PABIR2: variants seen among roughly 807,000 people sequenced by gnomAD.
PABIR2 encodes PABIR family member 2.
A neutral mutation model predicts 22.8 loss-of-function variants in PABIR2; 7 were observed. The observed-to-expected ratio is 0.31, with a 90% CI of 0.17 to 0.58. The LOEUF is 0.58. Among genes scored for constraint, PABIR2 ranks in the 20% least tolerant of loss-of-function variants. The pLI, the probability that PABIR2 is intolerant of heterozygous loss-of-function variation, is 0.89. For synonymous variants in PABIR2, 67 were observed against 73.8 expected, an observed-to-expected ratio of 0.91 and a Z score of 0.47; for missense variants, 155 against 205.1, an observed-to-expected ratio of 0.76 and a Z score of 1.49.
Position 134,771,058 on chromosome X carries a change from C to T in PABIR2, c.*1081G>A, listed in dbSNP as rs2078830008. ...ACAATAACTAAAACACCATTCACCA[C>T]ATGACAAAACAAACAAATCCAATGA... On this transcript the variant is annotated 3_prime_UTR_variant, in exon 10 of 10. Coordinates refer to ENST00000343004, the MANE Select transcript of PABIR2 (RefSeq NM_001387468.1). 1 of 312,444 alleles carries T rather than the reference C, an allele frequency of 3.2e-6. No homozygotes were observed. Among genetic ancestry groups the T allele is most frequent in the Admixed American group, 5.9e-5 (1 of 17,089 alleles). 25.7% of individuals were successfully genotyped at this position (312,444 alleles called of 1,213,427 possible).
At chrX:134,792,647 A>T (rs927705151) in intron 2 of PABIR2, among the ~76,000 whole-genome samples, 4 of 111,892 alleles carry the variant, frequency 3.6e-5, no homozygotes, top group African/African-American at 1.3e-4. Context: ...CTCTATTCTA[A>T]TCCCAGTTCT....
At chrX:134,773,901 C>G (rs187922576) in intron 9 of PABIR2, among the ~76,000 whole-genome samples, 4 of 111,285 alleles carry the variant, frequency 3.6e-5, no homozygotes, top group African/African-American at 1.3e-4. Context: ...AGTTTCTGGG[C>G]CCTGTACTAC....
intron 9 of PABIR2, among the ~76,000 whole-genome samples, chrX:134,775,257 G>A (rs751051479): frequency 9.0e-6 from 1 of 111,426 alleles, no homozygotes; most frequent in Non-Finnish European, 1.9e-5. Context: ...TTGGCTGGGC[G>A]CGGTGGCTCA....
chrX:134,782,175 C>T (rs1445970932), intron 8 of PABIR2, among the ~76,000 whole-genome samples: 1 of 112,164 alleles, frequency 8.9e-6, no homozygotes, highest in African/African-American at 3.2e-5. Context: ...GAAAGTAGAA[C>T]ACTGACTGCA....
In PABIR2 at chrX:134,788,470, T is replaced by C. The variant is rs760800664; in HGVS notation, c.435+260A>G. ...TGTGTTATATATGTTATATATGTGTTATATATACGTTATATATGTAATATA... is the reference window on the plus strand; with the variant it reads ...TGTGTTATATATGTTATATATGTGTCATATATACGTTATATATGTAATATA... On this transcript the variant is annotated intron_variant, in intron 6 of 9. Transcript: ENST00000343004. Among the ~76,000 whole-genome samples the C allele has an allele frequency of 3.0e-5, 3 of 99,589 alleles. No homozygotes were observed. In the East Asian group the frequency reaches 8.6e-4, roughly 29 times the overall value. The allele number at this position is 99,589 out of a possible 115,157, so 86.5% of individuals were successfully genotyped here. A position where few individuals can be genotyped will look rare whatever the true frequency, so the allele number is the denominator to read the frequency against.
intron 8 of PABIR2, among the ~76,000 whole-genome samples, chrX:134,784,952 T>C (rs1245153843): frequency 1.8e-5 from 2 of 111,725 alleles, no homozygotes; most frequent in African/African-American, 6.5e-5. Flanking sequence ...GAGGCATAAT[T>C]TGATGAGGGG....
Position 134,789,593 on chromosome X carries a change from T to C in PABIR2, c.221A>G (p.His74Arg). ...SPNRIPSSRL[H>R]QIKREEGLDM... ...AGTAAAATTTACCCTTTTGATCTGA[T>C]GCAGTCTGCTACTAGGAATACGATT... The change falls in exon 3 of 10, where the codon CAT becomes CGT. Residue 74 changes from histidine (H) to arginine (R), a missense_variant. His to Arg is a conservative substitution (Grantham distance 29). Transcript: ENST00000343004. The C allele has an allele frequency of 8.7e-7, 1 of 1,155,515 alleles. No homozygotes were observed. The highest frequency in any genetic ancestry group is 1.9e-5 in the South Asian group (1 of 52,438).
chrX:134,791,206 AAAAAG>A (rs1437851202), intron 2 of PABIR2, among the ~76,000 whole-genome samples: 3 of 111,453 alleles, frequency 2.7e-5, no homozygotes, highest in Non-Finnish European at 5.6e-5. Context: ...GCTTAAAAAA[AAAAAG>A]AAAAGAAAAA....
At position 134,781,866 on chromosome X, in the gene PABIR2, T is replaced by C; in HGVS notation, c.614A>G (p.Asn205Ser). 1 of 1,206,041 alleles carries C rather than the reference T, an allele frequency of 8.3e-7. No individual in the cohort carries two copies. Among genetic ancestry groups the C allele is most frequent in the Non-Finnish European group, 1.1e-6 (1 of 892,201 alleles). Residue 205 changes from asparagine (N) to serine (S), a missense_variant, in exon 9 of 10, where the codon AAT (asparagine) becomes AGT (serine). Asn to Ser is a conservative substitution (Grantham distance 46). Coordinates refer to ENST00000343004, the MANE Select transcript of PABIR2 (RefSeq NM_001387468.1). ...TTGCGCGGCATCTGGAGATAACATA[T>C]TGGTAGTGCCTTGGAAGAGTCTCTT... ...QPKRLFQGTT[N>S]MLSPDAAQLS...
chrX:134,789,463 T>C (rs1383278381), intron 3 of PABIR2, 117 bp downstream of exon 3: 2 of 834,080 alleles, frequency 2.4e-6, no homozygotes, highest in African/African-American at 4.1e-5. Flanking sequence ...CCAGAAGAAT[T>C]ATAATCTGTC....
intron 9 of PABIR2, among the ~76,000 whole-genome samples, chrX:134,778,491 C>T (rs182653128): frequency 0.046 from 4,007 of 87,375 alleles, 277 homozygotes; most frequent in African/African-American, 0.16. Context: ...GCAACCAGAG[C>T]GAAACTCCGT....
chrX:134,782,222 T>C (rs764057426), intron 8 of PABIR2, among the ~76,000 whole-genome samples: 2 of 111,813 alleles, frequency 1.8e-5, no homozygotes, highest in Non-Finnish European at 3.8e-5. Flanking sequence ...ACAGTAGAGA[T>C]AAGGAATTCC....
At chrX:134,788,665 G>A (rs1471742601) in intron 6 of PABIR2, 65 bp downstream of exon 6, 3 of 937,624 alleles carry the variant, frequency 3.2e-6, no homozygotes, top group Non-Finnish European at 4.4e-6. Flanking sequence ...GGGGTGATTT[G>A]TGTGTGTTTT....
intron 9 of PABIR2, among the ~76,000 whole-genome samples, chrX:134,781,240 T>C (rs1056618590): frequency 4.4e-5 from 5 of 112,767 alleles, no homozygotes; most frequent in African/African-American, 1.6e-4. Context: ...AAATAATCTG[T>C]TTTTTCACAT....
At chrX:134,787,395 C>T in intron 7 of PABIR2, 77 bp downstream of exon 7, 1 of 1,049,961 alleles carries the variant, frequency 9.5e-7, no homozygotes, top group Non-Finnish European at 1.3e-6. Flanking sequence ...CCACTGCGCC[C>T]AGCCACAAAA....
At chrX:134,777,143 G>C (rs2078999999) in intron 9 of PABIR2, among the ~76,000 whole-genome samples, 1 of 112,083 alleles carries the variant, frequency 8.9e-6, no homozygotes, top group African/African-American at 3.2e-5. Context: ...GCCAACCTTG[G>C]TAGCAGAAAC....
chrX:134,787,245 G>A (rs1422399110), intron 7 of PABIR2, among the ~76,000 whole-genome samples: 2 of 108,371 alleles, frequency 1.8e-5, no homozygotes, highest in Admixed American at 1.0e-4. Flanking sequence ...GATTACAGGC[G>A]CCTGCCACCA....
rs1415852267 is a variant in PABIR2 at position 134,772,295 on chromosome X, G to A, written c.660-12C>T. On this transcript the variant is annotated splice_polypyrimidine_tract_variant and intron_variant, in intron 9 of 9. Transcript: ENST00000343004. ...CCAAAATATCTGAACTGAAGACAAA[G>A]CAAAAAGAATTATAAGCAAATGCAA... 1.7e-6 allele frequency: 2 copies of A among 1,172,883 alleles called. No individual in the cohort carries two copies. The highest frequency in any genetic ancestry group is 4.8e-5 in the Admixed American group (2 of 41,732).
At chrX:134,778,768 C>G (rs1044157891) in intron 9 of PABIR2, among the ~76,000 whole-genome samples, 1 of 110,984 alleles carries the variant, frequency 9.0e-6, no homozygotes, top group Non-Finnish European at 1.9e-5. Flanking sequence ...CTTGTTGACA[C>G]TCTATGAGTG....
Sources: allele counts gnomAD v4.1 joint callset (sites outside exome capture counted in the v4.1 genomes callset), GRCh38; gene constraint gnomAD v4.1.1; transcripts MANE v1.5; gene names NCBI Gene and HGNC (gene_info 2026-07-23, HGNC 2026-07-21).